The following TTLL5 variants were observed in gnomAD, a reference collection of about 807,000 sequenced individuals.
The protein encoded by TTLL5 is tubulin tyrosine ligase like 5.
TTLL5 carries 132 observed loss-of-function variants against 168.4 expected under a neutral mutation model. That is an observed-to-expected ratio of 0.78 (90% confidence interval 0.68 to 0.91). TTLL5 has a LOEUF of 0.91. TTLL5 is among the 40% of genes least tolerant of loss of function. The probability of loss-of-function intolerance (pLI) is 0.00; values close to 1 mark genes in which losing one functional copy is unlikely to be tolerated. For missense variants in TTLL5, 1,545 were observed against 1,581.5 expected (o/e 0.98, Z 0.39); for synonymous variants, 546 against 558.6 (o/e 0.98, Z 0.32).
At chr14:75,922,531 C>T (rs979818843) in intron 31 of TTLL5, among the ~76,000 whole-genome samples, 9 of 152,208 alleles carry the variant, frequency 5.9e-5, no homozygotes, top group African/African-American at 1.9e-4. Flanking sequence ...TGATGGATTA[C>T]GTTTGTTGAT....
intron 9 of TTLL5, among the ~76,000 whole-genome samples, chr14:75,713,433 A>G (rs765661098): frequency 1.3e-5 from 2 of 152,218 alleles, no homozygotes; most frequent in East Asian, 1.9e-4. Context: ...AATACGCTCT[A>G]TGATGTTCAC....
intron 31 of TTLL5, among the ~76,000 whole-genome samples, chr14:75,954,030 C>T (rs1219047988): frequency 1.3e-5 from 2 of 151,914 alleles, no homozygotes; most frequent in Non-Finnish European, 2.9e-5. Context: ...GGGCAGATCA[C>T]GAGGTCAGGA....
chr14:75,708,047 G>A (rs1167477952), intron 9 of TTLL5, among the ~76,000 whole-genome samples: 1 of 152,192 alleles, frequency 6.6e-6, no homozygotes, highest in Non-Finnish European at 1.5e-5. Flanking sequence ...ATAATTTGCT[G>A]TTATTCTTCA....
At chr14:75,908,905 T>C (rs553164972) in intron 31 of TTLL5, among the ~76,000 whole-genome samples, 1 of 152,198 alleles carries the variant, frequency 6.6e-6, no homozygotes, top group Admixed American at 6.5e-5. Flanking sequence ...GCCTCCTGAG[T>C]AGCTGTGACT....
chr14:75,840,052 A>T (rs1272299970), intron 28 of TTLL5, among the ~76,000 whole-genome samples: 1 of 152,222 alleles, frequency 6.6e-6, no homozygotes, highest in African/African-American at 2.4e-5. Context: ...CTTGATCCAC[A>T]AAAGTTTTTA....
intron 6 of TTLL5, among the ~76,000 whole-genome samples, chr14:75,694,553 C>T (rs112684569): frequency 5.4e-4 from 82 of 152,196 alleles, no homozygotes; most frequent in African/African-American, 1.9e-3. Flanking sequence ...AGGCTAGTCT[C>T]GAACTCCTGA....
chr14:75,666,975 A>G (rs571518070), intron 2 of TTLL5, among the ~76,000 whole-genome samples: 2 of 152,202 alleles, frequency 1.3e-5, no homozygotes, highest in South Asian at 4.1e-4. Flanking sequence ...TAAAGTCCCA[A>G]TTTTCAGTTT....
chr14:75,787,603 T>C (rs1005351681), intron 26 of TTLL5, among the ~76,000 whole-genome samples: 1 of 152,174 alleles, frequency 6.6e-6, no homozygotes, highest in African/African-American at 2.4e-5. Context: ...ACTAAACAGA[T>C]TTTTAAAATG....
rs563423898 is a variant in TTLL5, at chr14:75,911,429, G to A, written c.3823+9205G>A. Among the ~76,000 whole-genome samples, 4 of 152,266 alleles carry A rather than the reference G, an allele frequency of 2.6e-5. No individual in the cohort carries two copies. In the South Asian group the frequency reaches 8.3e-4, roughly 32 times the overall value. On this transcript the variant is annotated intron_variant, in intron 31 of 31. Transcript: ENST00000298832. ...ATAGCCTCTATCCCCATTATAAAAT[G>A]GGGAAAGAAGTTAGAAAACCAACCT...
chr14:75,792,850 C>T, intron 26 of TTLL5, 66 bp from the exon 27 acceptor site: 2 of 1,422,232 alleles, frequency 1.4e-6, no homozygotes, highest in Non-Finnish European at 1.9e-6. Context: ...AGATTTCTGT[C>T]ATTATCCTAA....
At chr14:75,723,192 G>A (rs1053514438) in intron 12 of TTLL5, among the ~76,000 whole-genome samples, 2 of 152,032 alleles carry the variant, frequency 1.3e-5, no homozygotes, top group African/African-American at 4.8e-5. Flanking sequence ...TGGGCCCAAA[G>A]GATCCACCTG....
intron 31 of TTLL5, among the ~76,000 whole-genome samples, chr14:75,935,612 A>G (rs1198616192): frequency 6.6e-6 from 1 of 152,250 alleles, no homozygotes; most frequent in Admixed American, 6.5e-5. Context: ...TGGATTACCT[A>G]AAGAGTTCTC....
intron 12 of TTLL5, among the ~76,000 whole-genome samples, chr14:75,729,042 C>T (rs1277886679): frequency 1.3e-5 from 2 of 152,074 alleles, no homozygotes; most frequent in Non-Finnish European, 1.5e-5. Flanking sequence ...GAAGTTCAGA[C>T]GTTAAGTGTA....
At chr14:75,664,900 G>A (rs933950769) in intron 2 of TTLL5, among the ~76,000 whole-genome samples, 1 of 152,180 alleles carries the variant, frequency 6.6e-6, no homozygotes, top group African/African-American at 2.4e-5. Flanking sequence ...CCTGACAAAT[G>A]TTAGATTGAA....
intron 13 of TTLL5, 104 bp from the exon 14 acceptor site, chr14:75,733,885 T>A (rs1327174571): frequency 9.1e-7 from 1 of 1,097,456 alleles, no homozygotes; most frequent in Non-Finnish European, 1.4e-6. Context: ...GTGTTGCTCT[T>A]CATTGACATT....
At chr14:75,789,230 G>C (rs1325820796) in intron 26 of TTLL5, among the ~76,000 whole-genome samples, 1 of 152,148 alleles carries the variant, frequency 6.6e-6, no homozygotes, top group East Asian at 1.9e-4. Flanking sequence ...TTTTACTGGA[G>C]ATCAGAACCA....
At chr14:75,721,859 G>A (rs1161285046) in intron 12 of TTLL5, among the ~76,000 whole-genome samples, 2 of 152,200 alleles carry the variant, frequency 1.3e-5, no homozygotes, top group Non-Finnish European at 2.9e-5. Flanking sequence ...AGTAAACAAA[G>A]GGAATTGTTG....
In TTLL5 at chr14:75,834,305, A is replaced by G. The variant is rs186740551; in HGVS notation, c.3326+14144A>G. On this transcript the variant is annotated intron_variant, in intron 28 of 31. Coordinates refer to ENST00000298832, the MANE Select transcript of TTLL5 (RefSeq NM_015072.5). The stretch of plus-strand genomic sequence containing the variant: ...TGGGAGCATCACATTCAAGTAGGGG[A>G]GTATGTGGTTGAGGATAAAGTGGGA... 3.2e-3 allele frequency among the ~76,000 whole-genome samples: 487 copies of G among 152,204 alleles called. 3 individuals are homozygous for G. The highest frequency in any genetic ancestry group is 0.011 in the African/African-American group (461 of 41,502).
chr14:75,673,606 A>G (rs1883910468), intron 3 of TTLL5, among the ~76,000 whole-genome samples: 1 of 152,320 alleles, frequency 6.6e-6, no homozygotes, highest in Non-Finnish European at 1.5e-5. Flanking sequence ...AGTAAAATGG[A>G]GAGAATATGA....
Sources: gnomAD v4.1 joint callset for allele counts (sites outside exome capture counted in the v4.1 genomes callset) on GRCh38, gnomAD v4.1.1 for gene constraint, MANE v1.5 for transcripts, NCBI Gene and HGNC (gene_info 2026-07-23, HGNC 2026-07-21) for gene names.